KLF12: variants seen among roughly 807,000 people sequenced by gnomAD.
The protein encoded by KLF12 is Krueppel-like factor 12.
Under a neutral mutation model 37.8 loss-of-function variants are expected in KLF12, and 9 were observed. The observed-to-expected ratio is 0.24, with a 90% confidence interval of 0.14 to 0.42. The LOEUF (loss-of-function observed/expected upper bound fraction) is 0.42. Among genes scored for constraint, KLF12 ranks in the 10% least tolerant of loss-of-function variants. The pLI is 1.00. For synonymous variants in KLF12, 208 were observed against 202.1 expected (o/e 1.03, Z -0.25); for missense variants, 411 against 516.0 (o/e 0.80, Z 1.97).
the KLF12 span, among the ~76,000 whole-genome samples, chr13:74,201,838 G>A: frequency 6.6e-6 from 1 of 152,104 alleles, no homozygotes; most frequent in African/African-American, 2.4e-5. Flanking sequence ...ATTCAGCAGT[G>A]GGAACTATTA....
intron 7 of KLF12, among the ~76,000 whole-genome samples, chr13:73,702,738 T>C (rs1469784434): frequency 6.6e-6 from 1 of 152,196 alleles, no homozygotes; most frequent in Non-Finnish European, 1.5e-5. Context: ...ACGTATTTGC[T>C]GTGACAATCT....
intron 1 of KLF12, among the ~76,000 whole-genome samples, chr13:74,012,358 GAA>G (rs775720978): frequency 2.0e-5 from 3 of 152,174 alleles, no homozygotes; most frequent in Admixed American, 2.0e-4. Flanking sequence ...CTATTAAAAC[GAA>G]AAGAGTCCCA....
At chr13:74,072,674 C>T (rs778352878) in intron 1 of KLF12, among the ~76,000 whole-genome samples, 4 of 151,992 alleles carry the variant, frequency 2.6e-5, no homozygotes, top group Non-Finnish European at 5.9e-5. Flanking sequence ...GTGATGGCTC[C>T]ACTGCACGCC....
chr13:73,858,693 A>C (rs1481659205), intron 3 of KLF12, among the ~76,000 whole-genome samples: 6 of 152,224 alleles, frequency 3.9e-5, no homozygotes, highest in East Asian at 3.9e-4. Context: ...CTCTGGTAAC[A>C]GCATTTTCCC....
intron 4 of KLF12, among the ~76,000 whole-genome samples, chr13:73,832,015 A>G (rs756463185): frequency 3.3e-5 from 5 of 152,236 alleles, no homozygotes; most frequent in African/African-American, 4.8e-5. Flanking sequence ...TTATATTCAC[A>G]AAGAACATAA....
chr13:74,046,064 C>T (rs1893535098), intron 1 of KLF12, among the ~76,000 whole-genome samples: 1 of 152,156 alleles, frequency 6.6e-6, no homozygotes, highest in South Asian at 2.1e-4. Context: ...TTGTTCCTAT[C>T]AATCAGTCTA....
chr13:73,918,370 T>C (rs372039233), intron 3 of KLF12, among the ~76,000 whole-genome samples: 23 of 152,346 alleles, frequency 1.5e-4, no homozygotes, highest in African/African-American at 5.5e-4. Context: ...TCTACAACTA[T>C]GTCTACTGCT....
intron 1 of KLF12, among the ~76,000 whole-genome samples, chr13:74,096,736 T>C (rs1566210284): frequency 6.6e-6 from 1 of 152,192 alleles, no homozygotes; most frequent in Non-Finnish European, 1.5e-5. Flanking sequence ...TACCTTCTAG[T>C]ATCATTGAAT....
At chr13:74,227,285 G>C in the KLF12 span, among the ~76,000 whole-genome samples, 1 of 152,058 alleles carries the variant, frequency 6.6e-6, no homozygotes, top group Admixed American at 6.6e-5. Flanking sequence ...CTCCTGCAGA[G>C]TGTTGTACCC....
the KLF12 span, among the ~76,000 whole-genome samples, chr13:74,280,048 T>C: frequency 6.6e-6 from 1 of 152,216 alleles, no homozygotes; most frequent in Non-Finnish European, 1.5e-5. Context: ...CTCTGTAGCA[T>C]ATCCTTAGGG....
chr13:74,267,534 A>G, the KLF12 span, among the ~76,000 whole-genome samples: 1 of 152,214 alleles, frequency 6.6e-6, no homozygotes, highest in African/African-American at 2.4e-5. Flanking sequence ...TTAAAAGTTG[A>G]TCTCATGGAG....
intron 5 of KLF12, among the ~76,000 whole-genome samples, chr13:73,773,720 G>T (rs1488657280): frequency 3.3e-5 from 5 of 152,016 alleles, no homozygotes; most frequent in African/African-American, 1.2e-4. Flanking sequence ...TGCTTTTGAA[G>T]TTGACCCAAA....
At chr13:74,169,105 A>G in the KLF12 span, among the ~76,000 whole-genome samples, 1 of 152,236 alleles carries the variant, frequency 6.6e-6, no homozygotes, top group East Asian at 1.9e-4. Flanking sequence ...AACTTTAAAA[A>G]AAAATCCATG....
intron 1 of KLF12, among the ~76,000 whole-genome samples, chr13:74,042,310 A>C (rs1246768075): frequency 1.3e-5 from 2 of 151,988 alleles, no homozygotes; most frequent in Non-Finnish European, 2.9e-5. Flanking sequence ...TCTCAAAAAA[A>C]AAAAAAAAAA....
chr13:74,082,882 G>A (rs899823341), intron 1 of KLF12, among the ~76,000 whole-genome samples: 2 of 152,074 alleles, frequency 1.3e-5, no homozygotes, highest in Non-Finnish European at 2.9e-5. Flanking sequence ...GCAAGAGTTA[G>A]GTTAGTTAAA....
the KLF12 span, among the ~76,000 whole-genome samples, chr13:74,227,489 A>G: frequency 6.6e-6 from 1 of 152,104 alleles, no homozygotes; most frequent in African/African-American, 2.4e-5. Flanking sequence ...TTCCTCTTTA[A>G]TATTGTAAAG....
At chr13:74,113,231 C>A (rs1450302810) in intron 1 of KLF12, among the ~76,000 whole-genome samples, 2 of 152,120 alleles carry the variant, frequency 1.3e-5, no homozygotes, top group Admixed American at 1.3e-4. Context: ...ACAAGTTATC[C>A]GGAAGATCTA....
the KLF12 span, among the ~76,000 whole-genome samples, chr13:74,199,711 G>A: frequency 5.3e-5 from 8 of 152,118 alleles, no homozygotes; most frequent in South Asian, 1.2e-3. Context: ...TGTCAATAAC[G>A]TCCTGAATAC....
At chr13:74,060,817 G>T (rs1190766448) in intron 1 of KLF12, among the ~76,000 whole-genome samples, 3 of 152,034 alleles carry the variant, frequency 2.0e-5, no homozygotes, top group African/African-American at 7.2e-5. Context: ...AATAGGAGTG[G>T]TCGTTTTCTA....
Sources: allele counts gnomAD v4.1 joint callset (sites outside exome capture counted in the v4.1 genomes callset), GRCh38; gene constraint gnomAD v4.1.1; transcripts MANE v1.5; gene names NCBI Gene and HGNC (gene_info 2026-07-23, HGNC 2026-07-21).